FARS2: variants seen among roughly 807,000 people sequenced by gnomAD.
The protein encoded by FARS2 is phenylalanine--tRNA ligase, mitochondrial.
FARS2 carries 40 observed loss-of-function variants against 46.4 expected under a neutral mutation model. The observed-to-expected ratio is 0.86, with a 90% confidence interval of 0.67 to 1.12. The LOEUF (loss-of-function observed/expected upper bound fraction) is 1.12, where lower values mean the gene tolerates loss of function less well. Ranked by LOEUF, FARS2 falls within the 50% of genes most tolerant of loss-of-function variation. FARS2 has a pLI of 0.00. For synonymous variants in FARS2, 234 were observed against 214.9 expected (o/e 1.09, Z -0.78); for missense variants, 513 against 567.9 (o/e 0.90, Z 0.98).
intron 2 of FARS2, among the ~76,000 whole-genome samples, chr6:5,390,359 T>A (rs574361442): frequency 6.6e-6 from 1 of 152,360 alleles, no homozygotes; most frequent in South Asian, 2.1e-4. Context: ...TGAGTATGTA[T>A]TCTTTTGCAT....
intron 4 of FARS2, among the ~76,000 whole-genome samples, chr6:5,445,296 G>A (rs1176629136): frequency 6.6e-6 from 1 of 152,174 alleles, no homozygotes; most frequent in African/African-American, 2.4e-5. Context: ...GGCAGGTAGT[G>A]ATGTGCTCTC....
At chr6:5,622,626 G>A (rs543433413) in intron 6 of FARS2, among the ~76,000 whole-genome samples, 4 of 152,260 alleles carry the variant, frequency 2.6e-5, no homozygotes, top group East Asian at 1.9e-4. Context: ...CACAGTGTTC[G>A]TCCCTTTTGT....
At chr6:5,309,468 AAAT>A (rs1441600392) in intron 1 of FARS2, among the ~76,000 whole-genome samples, 1 of 152,176 alleles carries the variant, frequency 6.6e-6, no homozygotes, top group Non-Finnish European at 1.5e-5. Context: ...TGCAGATTTG[AAAT>A]GAATTTCCCT....
intron 5 of FARS2, among the ~76,000 whole-genome samples, chr6:5,555,335 G>A (rs560193147): frequency 6.6e-6 from 1 of 152,056 alleles, no homozygotes; most frequent in African/African-American, 2.4e-5. Context: ...CTAATACAGT[G>A]TGTAACACTG....
chr6:5,449,192 T>G (rs1044645587), intron 4 of FARS2, among the ~76,000 whole-genome samples: 1 of 151,574 alleles, frequency 6.6e-6, no homozygotes, highest in African/African-American at 2.4e-5. Flanking sequence ...TTACTACAAA[T>G]GCAAAAATTA....
At chr6:5,312,790 T>C (rs1022816579) in intron 1 of FARS2, among the ~76,000 whole-genome samples, 1 of 152,170 alleles carries the variant, frequency 6.6e-6, no homozygotes, top group Non-Finnish European at 1.5e-5. Flanking sequence ...GGAGGCACAG[T>C]GTTGAATAGC....
At chr6:5,525,941 A>C (rs1769436010) in intron 4 of FARS2, among the ~76,000 whole-genome samples, 1 of 152,264 alleles carries the variant, frequency 6.6e-6, no homozygotes, top group Non-Finnish European at 1.5e-5. Flanking sequence ...CTGAGGGAGA[A>C]AACAGACGTC....
At chr6:5,509,735 A>G (rs1768316642) in intron 4 of FARS2, among the ~76,000 whole-genome samples, 1 of 152,200 alleles carries the variant, frequency 6.6e-6, no homozygotes, top group African/African-American at 2.4e-5. Context: ...GTCTCTGCAG[A>G]AAGTGGGTGG....
At position 5,657,441 on chromosome 6, in the gene FARS2, C is replaced by T. The variant is rs181089769; in HGVS notation, c.1217+44121C>T. ...AGGAAATGACATGGAAGATCAGATG[C>T]GGGAAATCATTGAAATATTTGCCCT... On this transcript the variant is annotated intron_variant, in intron 6 of 6. Coordinates refer to ENST00000274680, the MANE Select transcript of FARS2 (RefSeq NM_006567.5). Among the ~76,000 whole-genome samples the T allele has an allele frequency of 8.5e-5, 13 of 152,312 alleles. No individual in the cohort carries two copies. In the East Asian group the frequency reaches 9.6e-4, roughly 11 times the overall value.
At chr6:5,267,240 G>T (rs190424700) in intron 1 of FARS2, among the ~76,000 whole-genome samples, 1 of 150,916 alleles carries the variant, frequency 6.6e-6, no homozygotes, top group African/African-American at 2.4e-5. Flanking sequence ...ACCACCATGA[G>T]AATTCTTTTA....
intron 5 of FARS2, chr6:5,609,958 CCATCCACCTTGTG>C (rs1775078243): frequency 7.9e-7 from 1 of 1,269,852 alleles, no homozygotes; most frequent in African/African-American, 1.5e-5. Flanking sequence ...CACAACTCTT[CCATCCACCTTGTG>C]TGGCCTTGCA....
the FARS2 span, among the ~76,000 whole-genome samples, chr6:5,253,821 C>T: frequency 0.087 from 10,741 of 123,836 alleles, 433 homozygotes; most frequent in Middle Eastern, 0.15. Context: ...TAAGTGGGTG[C>T]CTCATGCTGA....
At chr6:5,460,165 G>T (rs1380987684) in intron 4 of FARS2, among the ~76,000 whole-genome samples, 1 of 151,982 alleles carries the variant, frequency 6.6e-6, no homozygotes, top group Non-Finnish European at 1.5e-5. Flanking sequence ...TTTTTTGTCT[G>T]CTTAGTTTTC....
intron 1 of FARS2, among the ~76,000 whole-genome samples, chr6:5,288,438 C>T (rs1055553773): frequency 6.6e-6 from 1 of 152,212 alleles, no homozygotes. Flanking sequence ...ATCATCACTT[C>T]TTTCTGGAGC....
rs1399098437 is a variant in FARS2, at chr6:5,511,529, AC to A, written c.905-33650del. 2.6e-4 allele frequency among the ~76,000 whole-genome samples: 39 copies of A among 152,344 alleles called. 1 individual carries two copies. Among genetic ancestry groups the A allele is most frequent in the African/African-American group, 9.4e-4 (39 of 41,580 alleles). On this transcript the variant is annotated intron_variant, in intron 4 of 6. Transcript: ENST00000274680. ...ACAATTAAGAAATAATACCCTGCGC[AC>A]AAAGTAGAATAAAAACACACAAGCA...
At chr6:5,526,649 G>T in intron 4 of FARS2, among the ~76,000 whole-genome samples, 1 of 150,990 alleles carries the variant, frequency 6.6e-6, no homozygotes, top group African/African-American at 2.4e-5. Context: ...ATGGAGTTTC[G>T]CTCTTGTTGC....
chr6:5,499,640 C>T (rs73356337), intron 4 of FARS2, among the ~76,000 whole-genome samples: 9,131 of 152,148 alleles, frequency 0.06, 429 homozygotes, highest in African/African-American at 0.12. Context: ...TCAAGTTCCC[C>T]GTAGAGTTCT....
intron 1 of FARS2, among the ~76,000 whole-genome samples, chr6:5,300,606 G>A (rs1156237513): frequency 6.6e-6 from 1 of 152,040 alleles, no homozygotes; most frequent in East Asian, 1.9e-4. Flanking sequence ...AGGGGACACT[G>A]TTGGATGAGA....
At chr6:5,448,505 A>C (rs1415238787) in intron 4 of FARS2, among the ~76,000 whole-genome samples, 2 of 148,116 alleles carry the variant, frequency 1.4e-5, no homozygotes, top group East Asian at 3.9e-4. Context: ...TATTTTAGAG[A>C]TGTTTGCACG....
Sources: allele counts gnomAD v4.1 joint callset (sites outside exome capture counted in the v4.1 genomes callset), GRCh38; gene constraint gnomAD v4.1.1; transcripts MANE v1.5; gene names NCBI Gene and HGNC (gene_info 2026-07-23, HGNC 2026-07-21).